ZNF578: variants seen among roughly 807,000 people sequenced by gnomAD.
ZNF578 encodes Putative chemokine-related protein B42.
A neutral mutation model predicts 8.3 loss-of-function variants in ZNF578; 8 were observed. The observed-to-expected ratio is 0.96, with a 90% CI of 0.56 to 1.74. The LOEUF (loss-of-function observed/expected upper bound fraction) is 1.74, where lower values mean the gene tolerates loss of function less well. Ranked by LOEUF, ZNF578 falls within the 40% of genes most tolerant of loss-of-function variation. The pLI, the probability that ZNF578 is intolerant of heterozygous loss-of-function variation, is 0.00. For missense variants in ZNF578, 726 were observed against 707.5 expected, an observed-to-expected ratio of 1.03 and a Z score of -0.30; for synonymous variants, 206 against 232.2, an observed-to-expected ratio of 0.89 and a Z score of 1.03.
intron 2 of ZNF578, among the ~76,000 whole-genome samples, chr19:52,484,593 G>A (rs945876229): frequency 3.9e-5 from 6 of 152,038 alleles, no homozygotes; most frequent in Non-Finnish European, 7.4e-5. Context: ...CCTGTGACCT[G>A]CACATACACA....
intron 2 of ZNF578, among the ~76,000 whole-genome samples, chr19:52,486,302 T>C (rs802583): frequency 0.74 from 112,481 of 151,982 alleles, 41,941 homozygotes; most frequent in African/African-American, 0.83. Flanking sequence ...TCCCCCTCTC[T>C]GAGATGGTAG....
Position 52,511,342 on chromosome 19 carries a change from G to C in ZNF578, c.961G>C (p.Gly321Arg). ...GEKPYKCNEC[G>R]KSFSYKSSLT... ...GAAACCTTACAAGTGTAATGAATGT[G>C]GAAAGTCCTTCAGTTACAAGTCATC... is the stretch of plus-strand genomic sequence containing the variant. The change falls in exon 6 of 6, where the codon GGA (glycine) becomes CGA (arginine). Residue 321 changes from glycine to arginine, a missense_variant. Gly to Arg is a moderately radical substitution (Grantham distance 125). Coordinates refer to ENST00000421239, the MANE Select transcript of ZNF578 (RefSeq NM_001099694.2). 6.2e-7 allele frequency: 1 copy of C among 1,614,062 alleles called. No homozygotes were observed. The highest frequency in any genetic ancestry group is 1.1e-5 in the South Asian group (1 of 91,084).
intron 2 of ZNF578, among the ~76,000 whole-genome samples, chr19:52,459,717 G>GTGTATA (rs201576049): frequency 0.037 from 217 of 5,896 alleles, 4 homozygotes; most frequent in African/African-American, 0.086. Context: ...GTAGATATGT[G>GTGTATA]TGTGTGTGTG....
intron 5 of ZNF578, among the ~76,000 whole-genome samples, chr19:52,506,212 T>G (rs1485269537): frequency 6.6e-6 from 1 of 152,156 alleles, no homozygotes; most frequent in East Asian, 1.9e-4. Flanking sequence ...TCCGAGTTTG[T>G]TTTTAAGGCT....
chr19:52,507,923 C>T (rs1167244087), intron 5 of ZNF578, among the ~76,000 whole-genome samples: 1 of 152,042 alleles, frequency 6.6e-6, no homozygotes, highest in Admixed American at 6.6e-5. Flanking sequence ...GTGGCACATG[C>T]CTGTAATCCC....
intron 5 of ZNF578, among the ~76,000 whole-genome samples, chr19:52,508,753 T>C (rs1676148): frequency 0.2 from 30,477 of 149,056 alleles, 3,224 homozygotes; most frequent in Non-Finnish European, 0.23. Context: ...TGATATTGCA[T>C]CATTGCACTG....
intron 2 of ZNF578, among the ~76,000 whole-genome samples, chr19:52,459,596 G>A (rs540765541): frequency 1.5e-5 from 2 of 132,020 alleles, no homozygotes; most frequent in African/African-American, 5.5e-5. Context: ...CTGCTTTCAA[G>A]TCTTTAATGT....
intron 1 of ZNF578, chr19:52,456,511 A>C (rs1297114645): frequency 6.6e-6 from 1 of 152,366 alleles, no homozygotes; most frequent in African/African-American, 2.4e-5. Flanking sequence ...TGATCCACAG[A>C]GAGGGGAGAG....
chr19:52,486,307 T>C (rs1157877736), intron 2 of ZNF578, among the ~76,000 whole-genome samples: 3 of 151,978 alleles, frequency 2.0e-5, no homozygotes, highest in East Asian at 3.9e-4. Context: ...CTCTCTGAGA[T>C]GGTAGAGATA....
At chr19:52,503,470 G>A (rs567290647) in intron 4 of ZNF578, among the ~76,000 whole-genome samples, 41 of 151,952 alleles carry the variant, frequency 2.7e-4, no homozygotes, top group African/African-American at 7.7e-4. Context: ...CTCAACCTCT[G>A]GAGTATCTGG....
At chr19:52,482,048 T>G (rs1448246814) in intron 2 of ZNF578, among the ~76,000 whole-genome samples, 1 of 152,110 alleles carries the variant, frequency 6.6e-6, no homozygotes, top group Non-Finnish European at 1.5e-5. Flanking sequence ...AGAACTTTTT[T>G]TTGAGAGAGA....
chr19:52,504,545 A>G, intron 4 of ZNF578, 110 bp from the exon 5 acceptor site: 1 of 1,566,042 alleles, frequency 6.4e-7, no homozygotes, highest in Non-Finnish European at 8.6e-7. Context: ...TGGTTTTGTC[A>G]CAACACAGTC....
At chr19:52,501,417 G>C (rs1327739925) in intron 3 of ZNF578, among the ~76,000 whole-genome samples, 7 of 152,188 alleles carry the variant, frequency 4.6e-5, no homozygotes, top group Non-Finnish European at 7.3e-5. Flanking sequence ...CTGCAGTGGC[G>C]CAGGTGCTTG....
At chr19:52,478,459 G>A (rs575960816) in intron 2 of ZNF578, among the ~76,000 whole-genome samples, 3 of 152,190 alleles carry the variant, frequency 2.0e-5, no homozygotes, top group East Asian at 1.9e-4. Flanking sequence ...CGAAGGAGGC[G>A]GTACAGATGT....
chr19:52,458,794 A>G lies in ZNF578; in HGVS notation c.-122+1836A>G, dbSNP rs372283665. ...GGAAGGCCTTGCATGATTATGAAGT[A>G]CTAAGTTTCATTTAGGAATAAAGTT... On this transcript the variant is annotated intron_variant, in intron 2 of 5. Transcript: ENST00000421239. 11 of 152,202 alleles carry G rather than the reference A, an allele frequency of 7.2e-5. No individual in the cohort carries two copies. The East Asian group carries it at 1.7e-3, about 24-fold the overall frequency. The allele number at this position is 152,202 out of a possible 1,614,324, so 9.4% of individuals were successfully genotyped here.
At chr19:52,492,608 T>C (rs537505983) in intron 3 of ZNF578, among the ~76,000 whole-genome samples, 1 of 152,350 alleles carries the variant, frequency 6.6e-6, no homozygotes, top group South Asian at 2.1e-4. Flanking sequence ...GAATCATGCC[T>C]CAACCTTCCT....
intron 2 of ZNF578, among the ~76,000 whole-genome samples, chr19:52,469,342 G>T (rs1338920989): frequency 2.0e-5 from 3 of 151,694 alleles, no homozygotes; most frequent in Admixed American, 6.6e-5. Context: ...TGCATTTTTT[G>T]TATGATGTGG....
chr19:52,502,162 C>T (rs1426225992), intron 4 of ZNF578, among the ~76,000 whole-genome samples: 1 of 151,818 alleles, frequency 6.6e-6, no homozygotes, highest in East Asian at 1.9e-4. Context: ...GGGAAGGGCT[C>T]ACACCCAGAC....
chr19:52,501,741 G>A (rs558349719), intron 3 of ZNF578, 86 bp from the exon 4 acceptor site: 4 of 1,414,200 alleles, frequency 2.8e-6, no homozygotes, highest in East Asian at 2.3e-5. Context: ...TTTGTACAGG[G>A]TGATGTCTCC....
Sources: allele counts gnomAD v4.1 joint callset (sites outside exome capture counted in the v4.1 genomes callset), GRCh38; gene constraint gnomAD v4.1.1; transcripts MANE v1.5; gene names NCBI Gene and HGNC (gene_info 2026-07-23, HGNC 2026-07-21).